The following THSD7B variants were observed in gnomAD, a reference collection of about 807,000 sequenced individuals.
THSD7B encodes the protein thrombospondin type 1 domain containing 7B.
THSD7B carries 138 observed loss-of-function variants against 213.6 expected under a neutral mutation model. The ratio of observed to expected loss-of-function variants is 0.65; its 90% CI spans 0.56 to 0.74. THSD7B has a LOEUF of 0.74. Among genes scored for constraint, THSD7B ranks in the 30% least tolerant of loss-of-function variants. The probability of loss-of-function intolerance (pLI) is 0.00; values close to 1 mark genes in which losing one functional copy is unlikely to be tolerated. For missense variants in THSD7B, 1,931 were observed against 1,991.5 expected (o/e 0.97, Z 0.58); for synonymous variants, 742 against 687.0 (o/e 1.08, Z -1.25).
chr2:137,305,970 A>C (rs779372020), intron 12 of THSD7B, among the ~76,000 whole-genome samples: 9 of 152,152 alleles, frequency 5.9e-5, no homozygotes, highest in Non-Finnish European at 1.0e-4. Context: ...TTAGCTAAAC[A>C]TAGAAAAGGT....
intron 17 of THSD7B, among the ~76,000 whole-genome samples, chr2:137,615,939 C>T (rs546616303): frequency 4.9e-4 from 75 of 151,912 alleles, no homozygotes; most frequent in African/African-American, 1.5e-3. Context: ...TAATTATATA[C>T]GGGAGATAGA....
intron 2 of THSD7B, among the ~76,000 whole-genome samples, chr2:136,882,782 T>C (rs1683647406): frequency 6.6e-6 from 1 of 152,198 alleles, no homozygotes; most frequent in South Asian, 2.1e-4. Flanking sequence ...TCCTGACAGC[T>C]TTGCTCATTA....
In THSD7B at chr2:136,788,063, A is replaced by G. The variant is rs1681900684; in HGVS notation, c.-36+22376A>G. 3.9e-5 allele frequency among the ~76,000 whole-genome samples: 6 copies of G among 152,184 alleles called. No individual in the cohort carries two copies. The South Asian group carries it at 1.2e-3, about 31-fold the overall frequency. ...ATGAGATATGTGAGTATAAGGCAGGATCGTGTTGAAGCCAACTGGAGGGTA... is the reference window on the plus strand; with the variant it reads ...ATGAGATATGTGAGTATAAGGCAGGGTCGTGTTGAAGCCAACTGGAGGGTA... On this transcript the variant is annotated intron_variant, in intron 1 of 27. Transcript: ENST00000409968.
At chr2:137,316,259 T>C (rs1468253058) in intron 12 of THSD7B, among the ~76,000 whole-genome samples, 6 of 152,242 alleles carry the variant, frequency 3.9e-5, no homozygotes, top group African/African-American at 2.4e-5. Context: ...TAGGAAGTTG[T>C]AGAACTTGGT....
At chr2:137,315,070 G>T (rs1294599387) in intron 12 of THSD7B, among the ~76,000 whole-genome samples, 7 of 152,214 alleles carry the variant, frequency 4.6e-5, no homozygotes, top group East Asian at 3.9e-4. Flanking sequence ...GTTTACCTAA[G>T]CAAGCCTGGG....
chr2:137,275,840 T>C (rs1182022090), intron 11 of THSD7B, 83 bp from the exon 12 acceptor site: 1 of 1,066,198 alleles, frequency 9.4e-7, no homozygotes, highest in African/African-American at 1.6e-5. Flanking sequence ...CTTTACTTTT[T>C]TTAAACTTCA....
At chr2:137,232,860 C>A in intron 8 of THSD7B, 39 bp from the exon 9 acceptor site, 1 of 1,588,460 alleles carries the variant, frequency 6.3e-7, no homozygotes, top group East Asian at 2.2e-5. Context: ...ACAAGAACAG[C>A]AACCACTATG....
intron 20 of THSD7B, among the ~76,000 whole-genome samples, chr2:137,623,427 G>A (rs1682560087): frequency 6.6e-6 from 1 of 152,152 alleles, no homozygotes; most frequent in African/African-American, 2.4e-5. Context: ...ACAAGACACA[G>A]ATGCCCTCTC....
intron 22 of THSD7B, among the ~76,000 whole-genome samples, chr2:137,656,109 T>C (rs527538105): frequency 2.6e-5 from 4 of 152,340 alleles, no homozygotes; most frequent in Non-Finnish European, 5.9e-5. Context: ...TGAAGTTCCA[T>C]ATAAATGTGA....
intron 1 of THSD7B, among the ~76,000 whole-genome samples, chr2:136,849,111 C>G (rs1683055685): frequency 6.6e-6 from 1 of 152,112 alleles, no homozygotes; most frequent in Non-Finnish European, 1.5e-5. Flanking sequence ...CTTGCATTTT[C>G]TTTATTGTAA....
chr2:137,184,193 G>A (rs13029671), intron 7 of THSD7B, among the ~76,000 whole-genome samples: 7,018 of 152,176 alleles, frequency 0.046, 200 homozygotes, highest in Admixed American at 0.069. Context: ...GGGACACTGT[G>A]TCCTCGTATG....
In THSD7B at chr2:137,333,767, C is replaced by G. The variant is rs139666047; in HGVS notation, c.2500+57741C>G. ...GTACTTTATATAACTGCTTAGAAAC[C>G]TTCTGTTATTTTTAGTCCTGGTCTC... On this transcript the variant is annotated intron_variant, in intron 12 of 27. Coordinates refer to ENST00000409968, the MANE Select transcript of THSD7B (RefSeq NM_001316349.2). 1.8e-4 allele frequency among the ~76,000 whole-genome samples: 28 copies of G among 152,258 alleles called. No homozygotes were observed. The East Asian group carries it at 5.2e-3, about 28-fold the overall frequency.
intron 1 of THSD7B, among the ~76,000 whole-genome samples, chr2:136,807,366 A>G (rs941536523): frequency 1.3e-5 from 2 of 152,150 alleles, no homozygotes; most frequent in African/African-American, 4.8e-5. Context: ...TTATTATCCA[A>G]TAGTATGTTA....
chr2:136,934,160 G>GT (rs1425404124), intron 2 of THSD7B, among the ~76,000 whole-genome samples: 2 of 152,048 alleles, frequency 1.3e-5, no homozygotes, highest in Admixed American at 1.3e-4. Context: ...CTCCTCTTGA[G>GT]TTTTTTTCCA....
At chr2:137,401,673 A>G (rs1210729646) in intron 12 of THSD7B, among the ~76,000 whole-genome samples, 2 of 146,186 alleles carry the variant, frequency 1.4e-5, no homozygotes, top group Admixed American at 1.4e-4. Flanking sequence ...CAGTTTTTCA[A>G]TGGCCTTCAT....
At chr2:137,350,733 T>TCGTA (rs767834123) in intron 12 of THSD7B, among the ~76,000 whole-genome samples, 40 of 151,706 alleles carry the variant, frequency 2.6e-4, no homozygotes, top group Non-Finnish European at 4.3e-4. Flanking sequence ...GGAGACAGGA[T>TCGTA]CGTAGCTTTG....
intron 2 of THSD7B, among the ~76,000 whole-genome samples, chr2:136,899,645 G>T (rs1192537945): frequency 1.3e-5 from 2 of 152,166 alleles, no homozygotes; most frequent in Non-Finnish European, 2.9e-5. Context: ...TGTAAGTGGG[G>T]TTCCTAAAAT....
intron 7 of THSD7B, among the ~76,000 whole-genome samples, chr2:137,223,177 T>G (rs1028666415): frequency 1.3e-5 from 2 of 152,114 alleles, no homozygotes; most frequent in African/African-American, 4.8e-5. Context: ...TCCAGGAAAC[T>G]AGAACTGGCT....
chr2:136,818,426 T>C (rs189965874), intron 1 of THSD7B, among the ~76,000 whole-genome samples: 5,376 of 149,258 alleles, frequency 0.036, 152 homozygotes, highest in East Asian at 0.15. Context: ...AGGGATAGCA[T>C]TGGGAGATAT....
Sources: gnomAD v4.1 joint callset for allele counts (sites outside exome capture counted in the v4.1 genomes callset) on GRCh38, gnomAD v4.1.1 for gene constraint, MANE v1.5 for transcripts, NCBI Gene and HGNC (gene_info 2026-07-23, HGNC 2026-07-21) for gene names.